The following OPCML variants were observed in gnomAD, a reference collection of about 807,000 sequenced individuals.
The protein encoded by OPCML is opioid-binding protein/cell adhesion molecule.
Under a neutral mutation model 37.8 loss-of-function variants are expected in OPCML, and 13 were observed. The ratio of observed to expected loss-of-function variants is 0.34; its 90% CI spans 0.22 to 0.55. The LOEUF is 0.55. OPCML is among the 20% of genes least tolerant of loss of function. The pLI is 0.91. For synonymous variants in OPCML, 176 were observed against 168.8 expected, an observed-to-expected ratio of 1.04 and a Z score of -0.33; for missense variants, 341 against 435.6, an observed-to-expected ratio of 0.78 and a Z score of 1.93.
At chr11:133,136,590 A>C (rs1250772123) in intron 1 of OPCML, among the ~76,000 whole-genome samples, 2 of 152,108 alleles carry the variant, frequency 1.3e-5, no homozygotes, top group African/African-American at 4.8e-5. Context: ...AGGGCATTCC[A>C]GGAAGAGGCG....
chr11:133,337,635 A>G (rs1372762992), intron 1 of OPCML, among the ~76,000 whole-genome samples: 1 of 152,034 alleles, frequency 6.6e-6, no homozygotes, highest in Non-Finnish European at 1.5e-5. Flanking sequence ...CATATCTATC[A>G]ATTCTCACTC....
chr11:133,512,877 C>T (rs572074923), intron 1 of OPCML, among the ~76,000 whole-genome samples: 3 of 152,246 alleles, frequency 2.0e-5, no homozygotes, highest in Admixed American at 2.0e-4. Context: ...CAGCTTTGTC[C>T]CAGGAACCAG....
At chr11:132,780,425 T>A (rs547578237) in intron 2 of OPCML, among the ~76,000 whole-genome samples, 2 of 152,222 alleles carry the variant, frequency 1.3e-5, no homozygotes, top group Non-Finnish European at 2.9e-5. Flanking sequence ...TGTTTTTCTA[T>A]TCCTCAGATT....
Position 132,602,430 on chromosome 11 carries a change from G to A in OPCML, c.379+54657C>T, listed in dbSNP as rs568652730. Reference sequence around the variant, plus strand: ...AAAATTCTAAAAATAGCTTGGTTTCGTAGGTTAATATAGACAGCCTGGATT... The same window carrying A: ...AAAATTCTAAAAATAGCTTGGTTTCATAGGTTAATATAGACAGCCTGGATT... On this transcript the variant is annotated intron_variant, in intron 3 of 7. Coordinates refer to ENST00000524381, the MANE Select transcript of OPCML (RefSeq NM_001012393.5). Among the ~76,000 whole-genome samples, 6 of 152,098 alleles carry A rather than the reference G, an allele frequency of 3.9e-5. No homozygotes were observed. In the South Asian group the frequency reaches 6.2e-4, roughly 16 times the overall value.
At chr11:133,487,033 T>C (rs1191449397) in intron 1 of OPCML, among the ~76,000 whole-genome samples, 1 of 152,036 alleles carries the variant, frequency 6.6e-6, no homozygotes, top group African/African-American at 2.4e-5. Flanking sequence ...CCCCCATCAT[T>C]GTTCATTCTG....
At chr11:133,199,557 A>T (rs558260865) in intron 1 of OPCML, among the ~76,000 whole-genome samples, 18 of 152,204 alleles carry the variant, frequency 1.2e-4, no homozygotes, top group African/African-American at 4.1e-4. Context: ...GACTGAGGGG[A>T]GGGGAGTGCA....
At chr11:132,940,407 A>G (rs566485949) in intron 2 of OPCML, among the ~76,000 whole-genome samples, 1 of 152,322 alleles carries the variant, frequency 6.6e-6, no homozygotes, top group South Asian at 2.1e-4. Context: ...TGCAATCTAA[A>G]CATGTGATGC....
chr11:132,623,328 G>A (rs1461646187), intron 3 of OPCML, among the ~76,000 whole-genome samples: 1 of 151,466 alleles, frequency 6.6e-6, no homozygotes, highest in East Asian at 1.9e-4. Flanking sequence ...GCCCACAGTT[G>A]CACCTATCTA....
rs1947071838 is a variant in OPCML at position 132,782,679 on chromosome 11, CTT to C, written c.147-125362_147-125361del. On this transcript the variant is annotated intron_variant, in intron 2 of 7. Coordinates refer to ENST00000524381, the MANE Select transcript of OPCML (RefSeq NM_001012393.5). ...TAAAAACTTTCTCCTGAGAATTCCT[CTT>C]GTTAGGGATGGGAAAATCACTTCTC... Among the ~76,000 whole-genome samples, 7 of 151,962 alleles carry C rather than the reference CTT, an allele frequency of 4.6e-5. No individual in the cohort carries two copies. The South Asian group carries it at 1.5e-3, about 32-fold the overall frequency.
chr11:132,752,233 T>C (rs181649912), intron 2 of OPCML, among the ~76,000 whole-genome samples: 1 of 151,560 alleles, frequency 6.6e-6, no homozygotes, highest in East Asian at 1.9e-4. Context: ...TTGTTGCCAC[T>C]TCACACCAAG....
chr11:132,804,129 G>C (rs1026002974), intron 2 of OPCML, among the ~76,000 whole-genome samples: 1 of 152,132 alleles, frequency 6.6e-6, no homozygotes, highest in Non-Finnish European at 1.5e-5. Context: ...GCTGATAGAA[G>C]GTGAGCCCCA....
At chr11:133,120,649 C>G (rs753935578) in intron 1 of OPCML, among the ~76,000 whole-genome samples, 9 of 152,168 alleles carry the variant, frequency 5.9e-5, no homozygotes, top group African/African-American at 1.2e-4. Flanking sequence ...GCTTCAGTGA[C>G]TGTGCTTTTA....
Position 132,452,556 on chromosome 11 carries a change from T to TTTTCCTTCCTTCCTGCCTGCCTTCCTAC in OPCML, c.506-15225_506-15198dup, listed in dbSNP as rs1180330431. On this transcript the variant is annotated intron_variant, in intron 4 of 7. Transcript: ENST00000524381. ...GCCTGCCTGCCTGCCTGCCTTCCTTTTTTCCTTCCTTCCTGCCTGCCTTCC... is the reference window on the plus strand; with the variant it reads ...GCCTGCCTGCCTGCCTGCCTTCCTTTTTTCCTTCCTTCCTGCCTGCCTTCCTACTTTCCTTCCTTCCTGCCTGCCTTCC... Among the ~76,000 whole-genome samples, 282 of 146,880 alleles carry TTTTCCTTCCTTCCTGCCTGCCTTCCTAC rather than the reference T, an allele frequency of 1.9e-3. 1 individual carries two copies. The highest frequency in any genetic ancestry group is 6.5e-3 in the African/African-American group (252 of 38,766).
intron 1 of OPCML, among the ~76,000 whole-genome samples, chr11:133,482,593 T>A: frequency 6.6e-6 from 1 of 152,020 alleles, no homozygotes; most frequent in East Asian, 1.9e-4. Context: ...CTCTGTCCCA[T>A]CTCACCCTTG....
At chr11:133,460,605 T>A (rs141244917) in intron 1 of OPCML, among the ~76,000 whole-genome samples, 4 of 151,936 alleles carry the variant, frequency 2.6e-5, no homozygotes, top group South Asian at 4.1e-4. Flanking sequence ...AATGAACAAA[T>A]TCCTAGAAAC....
chr11:133,458,229 C>CGT (rs553791188), intron 1 of OPCML, among the ~76,000 whole-genome samples: 4 of 119,664 alleles, frequency 3.3e-5, no homozygotes, highest in Non-Finnish European at 4.8e-5. Flanking sequence ...CATATATACA[C>CGT]GTGTGTGTAT....
chr11:132,535,096 T>G (rs2096336929), intron 3 of OPCML, among the ~76,000 whole-genome samples: 1 of 149,224 alleles, frequency 6.7e-6, no homozygotes, highest in Non-Finnish European at 1.5e-5. Context: ...TTTAATAATA[T>G]AGTATAACAT....
chr11:133,186,851 G>A (rs940484874), intron 1 of OPCML, among the ~76,000 whole-genome samples: 3 of 152,206 alleles, frequency 2.0e-5, no homozygotes, highest in African/African-American at 7.2e-5. Flanking sequence ...AGAGGAGGGT[G>A]AGGGAACTGA....
intron 1 of OPCML, among the ~76,000 whole-genome samples, chr11:133,443,602 C>G (rs1946408401): frequency 6.6e-6 from 1 of 152,192 alleles, no homozygotes; most frequent in African/African-American, 2.4e-5. Flanking sequence ...TTACTTCACC[C>G]CTTCATTGCT....
Sources: gnomAD v4.1 joint callset for allele counts (sites outside exome capture counted in the v4.1 genomes callset) on GRCh38, gnomAD v4.1.1 for gene constraint, MANE v1.5 for transcripts, NCBI Gene and HGNC (gene_info 2026-07-23, HGNC 2026-07-21) for gene names.